B4GALT4: variants seen among roughly 807,000 people sequenced by gnomAD.
The protein encoded by B4GALT4 is beta-1,4-galactosyltransferase 4, also known as N-acetyllactosamine synthase.
In B4GALT4, 27 loss-of-function variants were observed where a neutral mutation model predicts 37.3. The observed-to-expected ratio is 0.72, with a 90% CI of 0.53 to 1.00. B4GALT4 has a LOEUF of 1.00. Among genes scored for constraint, B4GALT4 ranks in the 50% least tolerant of loss-of-function variants. The pLI is 0.00. For synonymous variants in B4GALT4, 148 were observed against 154.1 expected (o/e 0.96, Z 0.29); for missense variants, 372 against 413.1 (o/e 0.90, Z 0.86).
At chr3:119,229,006 TAAC>T (rs1686370154) in intron 3 of B4GALT4, among the ~76,000 whole-genome samples, 1 of 152,222 alleles carries the variant, frequency 6.6e-6, no homozygotes, top group South Asian at 2.1e-4. Flanking sequence ...ATTTACTGTT[TAAC>T]ATAAGTTGAG....
At chr3:119,222,587 G>T (rs1394285145) in intron 5 of B4GALT4, among the ~76,000 whole-genome samples, 1 of 152,106 alleles carries the variant, frequency 6.6e-6, no homozygotes, top group African/African-American at 2.4e-5. Flanking sequence ...CAGCAACTTC[G>T]AACTCCATAT....
chr3:119,219,541 G>A (rs745424734), intron 5 of B4GALT4, among the ~76,000 whole-genome samples: 5 of 152,268 alleles, frequency 3.3e-5, no homozygotes, highest in Non-Finnish European at 5.9e-5. Flanking sequence ...AACGACTACA[G>A]ATATGGCTTT....
intron 2 of B4GALT4, among the ~76,000 whole-genome samples, chr3:119,234,721 AGG>A (rs2078932919): frequency 6.6e-6 from 1 of 152,208 alleles, no homozygotes; most frequent in Non-Finnish European, 1.5e-5. Flanking sequence ...TAATTCTCAC[AGG>A]AGTCTCAGAG....
chr3:119,218,095 T>A lies in B4GALT4; in HGVS notation c.797+555A>T, dbSNP rs529504280. ...TTGAGCCCCTCAGAGCAGAAAGCAG[T>A]CCAAGAGAACCCAGGGTAATGTCAA... On this transcript the variant is annotated intron_variant, in intron 6 of 7. Transcript: ENST00000393765. Among the ~76,000 whole-genome samples, 6 of 152,214 alleles carry A rather than the reference T, an allele frequency of 3.9e-5. No homozygotes were observed. In the South Asian group the frequency reaches 1.2e-3, roughly 32 times the overall value.
chr3:119,220,637 C>T (rs561298639), intron 5 of B4GALT4, among the ~76,000 whole-genome samples: 4 of 152,046 alleles, frequency 2.6e-5, no homozygotes, highest in African/African-American at 7.2e-5. Flanking sequence ...ACAGGCTGCC[C>T]GACGACCACC....
intron 2 of B4GALT4, among the ~76,000 whole-genome samples, chr3:119,233,409 C>A (rs2078885474): frequency 6.6e-6 from 1 of 152,190 alleles, no homozygotes; most frequent in East Asian, 1.9e-4. Context: ...CACGGCTCCA[C>A]TTATACTCAG....
chr3:119,223,135 C>G (rs1441783171), intron 5 of B4GALT4, among the ~76,000 whole-genome samples: 6 of 152,252 alleles, frequency 3.9e-5, no homozygotes, highest in Non-Finnish European at 8.8e-5. Flanking sequence ...GTCCCTCTCT[C>G]CCCTCCTTAC....
chr3:119,228,796 T>TGG (rs1332921069), intron 3 of B4GALT4, among the ~76,000 whole-genome samples: 1 of 137,842 alleles, frequency 7.3e-6, no homozygotes, highest in Non-Finnish European at 1.6e-5. Flanking sequence ...ATCATAAGGG[T>TGG]GGAGCTGCCA....
In B4GALT4 at chr3:119,212,286, T is replaced by G; in HGVS notation, c.*263A>C. ...AATAGCGTTCATTTTATCCTTTGAG[T>G]CATCCTTTTATATAAAGTCCTTCAA... On this transcript the variant is annotated 3_prime_UTR_variant, in exon 8 of 8. Transcript: ENST00000393765. The G allele has an allele frequency of 1.4e-6, 1 of 697,372 alleles. No individual in the cohort carries two copies. The highest frequency in any genetic ancestry group is 2.7e-5 in the East Asian group (1 of 37,238). The allele number at this position is 697,372 out of a possible 1,614,324, so 43.2% of individuals were successfully genotyped here. A position where few individuals can be genotyped will look rare whatever the true frequency, so the allele number is the denominator to read the frequency against.
At chr3:119,239,219 G>A (rs545102433) in intron 1 of B4GALT4, among the ~76,000 whole-genome samples, 54 of 151,786 alleles carry the variant, frequency 3.6e-4, no homozygotes, top group African/African-American at 1.3e-3. Context: ...CCAGCTACTC[G>A]GGAGGCTGAG....
rs115784448 is a variant in B4GALT4 at position 119,227,839 on chromosome 3, C to T, written c.254-798G>A. On this transcript the variant is annotated intron_variant, in intron 3 of 7. Coordinates refer to ENST00000393765, the MANE Select transcript of B4GALT4 (RefSeq NM_003778.4). ...AAAGCAGTCATAGGCCCTTCCTGTG[C>T]GAAAGTCGCCATGACTTGTTCCATG... Among the ~76,000 whole-genome samples the T allele has an allele frequency of 7.2e-3, 1,093 of 152,280 alleles. 10 individuals carry two copies. The highest frequency in any genetic ancestry group is 0.025 in the African/African-American group (1,056 of 41,542).
chr3:119,219,237 C>T (rs758232175), intron 5 of B4GALT4, among the ~76,000 whole-genome samples: 2 of 152,262 alleles, frequency 1.3e-5, no homozygotes, highest in East Asian at 3.9e-4. Flanking sequence ...GGGTTGAAGG[C>T]AGGAGACAGC....
intron 7 of B4GALT4, 53 bp from the exon 8 acceptor site, chr3:119,212,734 C>T: frequency 1.3e-6 from 2 of 1,492,830 alleles, no homozygotes; most frequent in East Asian, 2.4e-5. Context: ...TATGTCTCCA[C>T]TGCATTTTGC....
chr3:119,223,705 G>A (rs557480220), intron 5 of B4GALT4, among the ~76,000 whole-genome samples: 9 of 152,232 alleles, frequency 5.9e-5, no homozygotes, highest in Non-Finnish European at 8.8e-5. Context: ...TTGCCTCCTA[G>A]AGGGGGAGTC....
At position 119,224,184 on chromosome 3, in the gene B4GALT4, T is replaced by C. The variant is rs756113766; in HGVS notation, c.548A>G (p.Lys183Arg). The change falls in exon 5 of 8, where the codon AAG becomes AGG. Residue 183 changes from lysine (K) to arginine (R), a missense_variant. Transcript: ENST00000393765. ...TATAAAGCAGTCCCAATTTTCTTCC[T>C]TGAGGGCTTCTAGATAGCCCACATT... The part of the protein sequence containing the change: ...LLNVGYLEAL[K>R]EENWDCFIFH... 5 of 1,614,048 alleles carry C rather than the reference T, an allele frequency of 3.1e-6. No individual in the cohort carries two copies. The highest frequency in any genetic ancestry group is 4.2e-6 in the Non-Finnish European group (5 of 1,179,978).
intron 2 of B4GALT4, among the ~76,000 whole-genome samples, chr3:119,231,595 A>G (rs964273959): frequency 1.3e-5 from 2 of 151,984 alleles, no homozygotes; most frequent in South Asian, 4.1e-4. Context: ...ATTACAACTA[A>G]CAATATATAC....
rs1314168605 is a variant in B4GALT4, at chr3:119,231,986, G to C, written c.-145-1742C>G. Among the ~76,000 whole-genome samples the C allele has an allele frequency of 3.2e-4, 48 of 151,556 alleles. 1 individual carries two copies. The highest frequency in any genetic ancestry group is 3.2e-3 in the Admixed American group (48 of 15,222). On this transcript the variant is annotated intron_variant, in intron 2 of 7. Transcript: ENST00000393765. ...GAATTTTTTTAATGGTGAATAGAGA[G>C]GCAGTAAGTAACTGTAAAAAACAAC...
chr3:119,226,770 G>C, intron 4 of B4GALT4, 39 bp downstream of exon 4: 5 of 1,554,894 alleles, frequency 3.2e-6, no homozygotes, highest in Non-Finnish European at 4.4e-6. Flanking sequence ...CAGAGAAGAG[G>C]AGGGTCGAGG....
chr3:119,227,899 C>A (rs576657824), intron 3 of B4GALT4, among the ~76,000 whole-genome samples: 72 of 152,284 alleles, frequency 4.7e-4, no homozygotes, highest in South Asian at 1.0e-3. Context: ...GCTGCTTAGA[C>A]CAGGCTCACG....
Sources: gnomAD v4.1 joint callset for allele counts (sites outside exome capture counted in the v4.1 genomes callset) on GRCh38, gnomAD v4.1.1 for gene constraint, MANE v1.5 for transcripts, NCBI Gene and HGNC (gene_info 2026-07-23, HGNC 2026-07-21) for gene names.